The following LRMDA variants were observed in gnomAD, a reference collection of about 807,000 sequenced individuals.
LRMDA encodes the protein leucine-rich melanocyte differentiation-associated protein.
LRMDA carries 18 observed loss-of-function variants against 29.8 expected under a neutral mutation model. The observed-to-expected ratio is 0.60, with a 90% CI of 0.42 to 0.90. The LOEUF (loss-of-function observed/expected upper bound fraction) is 0.90. Among genes scored for constraint, LRMDA ranks in the 40% least tolerant of loss-of-function variants. LRMDA has a pLI of 0.00. For missense variants in LRMDA, 273 were observed against 273.9 expected, an observed-to-expected ratio of 1.00 and a Z score of 0.02; for synonymous variants, 125 against 109.4, an observed-to-expected ratio of 1.14 and a Z score of -0.89.
chr10:76,539,626 G>A (rs1016527971), intron 6 of LRMDA, among the ~76,000 whole-genome samples: 10 of 152,112 alleles, frequency 6.6e-5, no homozygotes, highest in Non-Finnish European at 1.0e-4. Flanking sequence ...TTGCAGCTGG[G>A]CCACTCATCT....
chr10:75,785,537 C>T (rs1016103976), intron 2 of LRMDA, among the ~76,000 whole-genome samples: 3 of 152,224 alleles, frequency 2.0e-5, no homozygotes, highest in African/African-American at 7.2e-5. Context: ...TTGCAATGCT[C>T]TTGGGCTGCA....
At chr10:75,762,553 G>C (rs781730678) in intron 2 of LRMDA, among the ~76,000 whole-genome samples, 1 of 152,176 alleles carries the variant, frequency 6.6e-6, no homozygotes, top group East Asian at 1.9e-4. Context: ...CTTGTAAACC[G>C]CTGTGGACTT....
intron 2 of LRMDA, among the ~76,000 whole-genome samples, chr10:75,487,442 A>T (rs1844928701): frequency 6.6e-6 from 1 of 152,204 alleles, no homozygotes; most frequent in South Asian, 2.1e-4. Flanking sequence ...TGTCTGAAAT[A>T]GGGGTGAGTG....
chr10:75,499,783 G>A (rs1845091798), intron 2 of LRMDA, among the ~76,000 whole-genome samples: 1 of 152,100 alleles, frequency 6.6e-6, no homozygotes. Flanking sequence ...ATCTCAGTAG[G>A]AGGCAGTGAT....
At chr10:75,532,056 G>GAAAAAAAAAAAAA (rs60697116) in intron 2 of LRMDA, among the ~76,000 whole-genome samples, 3 of 95,386 alleles carry the variant, frequency 3.1e-5, no homozygotes, top group Non-Finnish European at 6.1e-5. Flanking sequence ...AAGAAAGAAA[G>GAAAAAAAAAAAAA]AAAAAAAAAA....
chr10:76,435,892 G>T (rs1323221744), intron 6 of LRMDA, among the ~76,000 whole-genome samples: 1 of 152,202 alleles, frequency 6.6e-6, no homozygotes, highest in East Asian at 1.9e-4. Context: ...TAAAAAGACC[G>T]AACAGATGAC....
chr10:75,849,342 A>C (rs1027391954), intron 2 of LRMDA, among the ~76,000 whole-genome samples: 6 of 151,650 alleles, frequency 4.0e-5, no homozygotes, highest in African/African-American at 1.5e-4. Context: ...AAGTAGTTCT[A>C]TGGAATCCAC....
At chr10:76,018,954 A>C (rs1847926178) in intron 2 of LRMDA, among the ~76,000 whole-genome samples, 1 of 152,218 alleles carries the variant, frequency 6.6e-6, no homozygotes, top group Non-Finnish European at 1.5e-5. Flanking sequence ...TTGTTCAGCT[A>C]TTGTGATTAT....
intron 6 of LRMDA, among the ~76,000 whole-genome samples, chr10:76,401,406 G>T (rs1841847508): frequency 6.6e-6 from 1 of 152,186 alleles, no homozygotes. Context: ...CTTAGAAAGG[G>T]ACCTTGTTCT....
intron 2 of LRMDA, among the ~76,000 whole-genome samples, chr10:75,587,771 G>A (rs1440200078): frequency 6.6e-6 from 1 of 152,228 alleles, no homozygotes; most frequent in African/African-American, 2.4e-5. Context: ...ACGTGATAGA[G>A]TGCTGGTCCC....
At chr10:75,846,468 G>A (rs906175280) in intron 2 of LRMDA, among the ~76,000 whole-genome samples, 3 of 152,202 alleles carry the variant, frequency 2.0e-5, no homozygotes, top group African/African-American at 4.8e-5. Context: ...AGGCAGAAAA[G>A]GGATTTATTA....
chr10:76,531,852 G>C (rs1390054331), intron 6 of LRMDA, among the ~76,000 whole-genome samples: 2 of 152,092 alleles, frequency 1.3e-5, no homozygotes, highest in East Asian at 3.9e-4. Context: ...GTGTAGAATT[G>C]CTATCATTCT....
intron 2 of LRMDA, among the ~76,000 whole-genome samples, chr10:75,564,950 T>C (rs1294653998): frequency 6.6e-6 from 1 of 152,248 alleles, no homozygotes; most frequent in Non-Finnish European, 1.5e-5. Context: ...GTATAAAATT[T>C]CCCTTTTAAA....
intron 5 of LRMDA, among the ~76,000 whole-genome samples, chr10:76,301,185 T>C (rs1589418124): frequency 6.6e-6 from 1 of 152,370 alleles, no homozygotes; most frequent in East Asian, 1.9e-4. Flanking sequence ...GAAGACACAA[T>C]GCAAATTTTA....
chr10:76,023,719 C>T (rs542229324), intron 2 of LRMDA, among the ~76,000 whole-genome samples: 3 of 152,296 alleles, frequency 2.0e-5, no homozygotes, highest in Non-Finnish European at 2.9e-5. Context: ...CTTGGTTGTT[C>T]CTAAGACAGA....
intron 5 of LRMDA, among the ~76,000 whole-genome samples, chr10:76,141,625 A>C (rs1311313707): frequency 6.6e-6 from 1 of 152,148 alleles, no homozygotes; most frequent in Non-Finnish European, 1.5e-5. Flanking sequence ...CAGCCATTCC[A>C]AATTAGTTTT....
intron 6 of LRMDA, among the ~76,000 whole-genome samples, chr10:76,477,028 A>G (rs1842681188): frequency 6.6e-6 from 1 of 152,168 alleles, no homozygotes; most frequent in South Asian, 2.1e-4. Context: ...CCTATTCAAC[A>G]TAGTGTTGGA....
At chr10:76,068,427 G>T (rs988531973) in intron 5 of LRMDA, among the ~76,000 whole-genome samples, 2 of 152,114 alleles carry the variant, frequency 1.3e-5, no homozygotes, top group Non-Finnish European at 2.9e-5. Flanking sequence ...ACTGGGGGTG[G>T]GGATGGGGGA....
At chr10:76,038,619 A>C (rs1033077614) in intron 3 of LRMDA, among the ~76,000 whole-genome samples, 1 of 152,220 alleles carries the variant, frequency 6.6e-6, no homozygotes, top group African/African-American at 2.4e-5. Context: ...AGGTAAAATC[A>C]GGCAATAACA....
Sources: allele counts gnomAD v4.1 joint callset (sites outside exome capture counted in the v4.1 genomes callset), GRCh38; gene constraint gnomAD v4.1.1; transcripts MANE v1.5; gene names NCBI Gene and HGNC (gene_info 2026-07-23, HGNC 2026-07-21).